Variants in IGF2BP3 observed in about 807,000 individuals in gnomAD.
The protein encoded by IGF2BP3 is insulin-like growth factor 2 mRNA-binding protein 3.
In IGF2BP3, 9 loss-of-function variants were observed where a neutral mutation model predicts 73.8. The observed-to-expected ratio is 0.12, with a 90% CI of 0.07 to 0.21. The LOEUF (loss-of-function observed/expected upper bound fraction) is 0.21. IGF2BP3 is among the 10% of genes least tolerant of loss of function. The pLI, the probability that IGF2BP3 is intolerant of heterozygous loss-of-function variation, is 1.00. For synonymous variants in IGF2BP3, 258 were observed against 256.7 expected, an observed-to-expected ratio of 1.01 and a Z score of -0.05; for missense variants, 542 against 714.0, an observed-to-expected ratio of 0.76 and a Z score of 2.75.
intron 2 of IGF2BP3, among the ~76,000 whole-genome samples, chr7:23,455,921 G>A (rs1187746345): frequency 2.6e-5 from 4 of 152,024 alleles, no homozygotes; most frequent in African/African-American, 4.8e-5. Flanking sequence ...TCCTGATCTC[G>A]TGATCCACCC....
chr7:23,449,715 A>G (rs1039854781), intron 2 of IGF2BP3, among the ~76,000 whole-genome samples: 3 of 150,318 alleles, frequency 2.0e-5, no homozygotes, highest in African/African-American at 7.3e-5. Context: ...GCGCTACCAC[A>G]CCCCGCTCAT....
intron 2 of IGF2BP3, among the ~76,000 whole-genome samples, chr7:23,463,407 A>C (rs1476636071): frequency 3.3e-5 from 5 of 152,086 alleles, no homozygotes; most frequent in Non-Finnish European, 7.4e-5. Context: ...AAAGAGGTAC[A>C]CAGGCAAAAA....
rs1784821173 is a variant in IGF2BP3, at chr7:23,346,070, T to C, written c.819-8A>G. Reference sequence around the variant, plus strand: ...AAGGGGATCTCTTCTGTGCTGTAAATAGAAAAGTGGCCATAAAATTAGAAT... The same window carrying C: ...AAGGGGATCTCTTCTGTGCTGTAAACAGAAAAGTGGCCATAAAATTAGAAT... On this transcript the variant is annotated splice_region_variant and splice_polypyrimidine_tract_variant and intron_variant, in intron 7 of 14. Transcript: ENST00000258729. The C allele has an allele frequency of 6.2e-7, 1 of 1,600,240 alleles. No homozygotes were observed. Among genetic ancestry groups the C allele is most frequent in the Non-Finnish European group, 8.5e-7 (1 of 1,176,464 alleles).
intron 10 of IGF2BP3, among the ~76,000 whole-genome samples, chr7:23,336,686 G>A (rs780547444): frequency 7.2e-5 from 11 of 152,088 alleles, no homozygotes; most frequent in Non-Finnish European, 1.6e-4. Context: ...AGTGGCTCAC[G>A]TCTGTAATCC....
At chr7:23,325,177 T>C (rs1008595865) in intron 10 of IGF2BP3, among the ~76,000 whole-genome samples, 7 of 152,142 alleles carry the variant, frequency 4.6e-5, no homozygotes, top group Non-Finnish European at 1.0e-4. Flanking sequence ...AAAGCCCCAT[T>C]GTCTCAGCCC....
intron 5 of IGF2BP3, among the ~76,000 whole-genome samples, chr7:23,357,105 TATTTC>T (rs1318001701): frequency 2.6e-5 from 4 of 152,256 alleles, no homozygotes; most frequent in Admixed American, 6.5e-5. Context: ...CTCACTGCTT[TATTTC>T]TTTTTCCAAA....
intron 3 of IGF2BP3, among the ~76,000 whole-genome samples, chr7:23,403,727 T>C (rs1256442829): frequency 1.3e-5 from 2 of 152,166 alleles, no homozygotes; most frequent in Non-Finnish European, 2.9e-5. Context: ...GGCAAGTTTT[T>C]CCATTTCCCA....
intron 10 of IGF2BP3, among the ~76,000 whole-genome samples, chr7:23,320,375 G>T (rs1784103508): frequency 6.6e-6 from 1 of 151,990 alleles, no homozygotes; most frequent in South Asian, 2.1e-4. Context: ...TCCTTGCAGG[G>T]ATAAAGGACA....
chr7:23,357,037 C>T (rs1785113604), intron 5 of IGF2BP3, among the ~76,000 whole-genome samples: 1 of 152,118 alleles, frequency 6.6e-6, no homozygotes, highest in African/African-American at 2.4e-5. Flanking sequence ...ACAAAGTCTA[C>T]AAAACTCTAT....
chr7:23,360,485 G>A (rs1785198235), intron 5 of IGF2BP3, among the ~76,000 whole-genome samples: 1 of 152,170 alleles, frequency 6.6e-6, no homozygotes. Flanking sequence ...GGTAGTTAGG[G>A]AATAATACTG....
In IGF2BP3 at chr7:23,388,886, A is replaced by G. The variant is rs577331607; in HGVS notation, c.286-27145T>C. 3.9e-5 allele frequency among the ~76,000 whole-genome samples: 6 copies of G among 152,316 alleles called. No homozygotes were observed. The South Asian group carries it at 1.2e-3, about 32-fold the overall frequency. ...CCTGTAGTAGTTAAAAACTGGAAACAGCCCAAATGTTCAACAGGTAAACAA... is the reference window on the plus strand; with the variant it reads ...CCTGTAGTAGTTAAAAACTGGAAACGGCCCAAATGTTCAACAGGTAAACAA... On this transcript the variant is annotated intron_variant, in intron 3 of 14. Coordinates refer to ENST00000258729, the MANE Select transcript of IGF2BP3 (RefSeq NM_006547.3).
chr7:23,371,330 A>C (rs376549035), intron 3 of IGF2BP3, among the ~76,000 whole-genome samples: 1 of 151,146 alleles, frequency 6.6e-6, no homozygotes, highest in African/African-American at 2.5e-5. Context: ...AACATCCTTC[A>C]AACAGCTCAG....
chr7:23,376,729 AT>A (rs1168075177), intron 3 of IGF2BP3, among the ~76,000 whole-genome samples: 1 of 151,942 alleles, frequency 6.6e-6, no homozygotes, highest in African/African-American at 2.4e-5. Context: ...TTACCTGGGA[AT>A]GGTGGTGCAT....
chr7:23,444,196 A>G (rs12540730), intron 2 of IGF2BP3, among the ~76,000 whole-genome samples: 27,770 of 152,034 alleles, frequency 0.18, 2,892 homozygotes, highest in South Asian at 0.27. Flanking sequence ...TCTTCTTTCC[A>G]TCATAATTGG....
At chr7:23,359,957 A>G (rs1257439114) in intron 5 of IGF2BP3, among the ~76,000 whole-genome samples, 1 of 152,048 alleles carries the variant, frequency 6.6e-6, no homozygotes, top group African/African-American at 2.4e-5. Context: ...TTGCCAAAAA[A>G]TTTTACATGA....
At chr7:23,430,940 A>C (rs1033543983) in intron 2 of IGF2BP3, among the ~76,000 whole-genome samples, 1 of 152,256 alleles carries the variant, frequency 6.6e-6, no homozygotes, top group African/African-American at 2.4e-5. Context: ...AATCTCATGG[A>C]GATATTATAA....
rs529316920 is a variant in IGF2BP3, at chr7:23,412,210, T to C, written c.285+6566A>G. ...GTTGGCCAGGCTGGTCTCAAACTCCTGGCCTCAAGTGATTTGCCTGCCTCA... is the reference window on the plus strand; with the variant it reads ...GTTGGCCAGGCTGGTCTCAAACTCCCGGCCTCAAGTGATTTGCCTGCCTCA... On this transcript the variant is annotated intron_variant, in intron 3 of 14. Coordinates refer to ENST00000258729, the MANE Select transcript of IGF2BP3 (RefSeq NM_006547.3). Among the ~76,000 whole-genome samples the C allele has an allele frequency of 1.2e-4, 18 of 152,234 alleles. 1 individual carries two copies. In the South Asian group the frequency reaches 2.5e-3, roughly 21 times the overall value.
chr7:23,381,123 G>A (rs573724313), intron 3 of IGF2BP3, among the ~76,000 whole-genome samples: 1 of 152,264 alleles, frequency 6.6e-6, no homozygotes, highest in East Asian at 1.9e-4. Context: ...CTCCCACACA[G>A]CAATGGAGAA....
chr7:23,360,012 T>C (rs772415807), intron 5 of IGF2BP3, among the ~76,000 whole-genome samples: 4 of 151,658 alleles, frequency 2.6e-5, no homozygotes, highest in Non-Finnish European at 5.9e-5. Context: ...TTTAAACATA[T>C]TAAAAGCCTC....
Sources: gnomAD v4.1 joint callset for allele counts (sites outside exome capture counted in the v4.1 genomes callset) on GRCh38, gnomAD v4.1.1 for gene constraint, MANE v1.5 for transcripts, NCBI Gene and HGNC (gene_info 2026-07-23, HGNC 2026-07-21) for gene names.